The following RIMBP2 variants were observed in gnomAD, a reference collection of about 807,000 sequenced individuals.
RIMBP2 encodes RIMS-binding protein 2.
Under a neutral mutation model 118.6 loss-of-function variants are expected in RIMBP2, and 48 were observed. That is an observed-to-expected ratio of 0.40 (90% CI 0.32 to 0.51). The LOEUF (loss-of-function observed/expected upper bound fraction) is 0.51, where lower values mean the gene tolerates loss of function less well. Ranked by LOEUF, RIMBP2 falls within the 20% of genes least tolerant of loss-of-function variation. The pLI is 0.41. For synonymous variants in RIMBP2, 762 were observed against 742.9 expected, an observed-to-expected ratio of 1.03 and a Z score of -0.42; for missense variants, 1,551 against 1,768.3, an observed-to-expected ratio of 0.88 and a Z score of 2.20.
In RIMBP2 at chr12:130,422,501, C is replaced by G. The variant is rs375746026; in HGVS notation, c.3190G>C (p.Gly1064Arg). ...CGGGACCTCTGAGGACCAGCGCTGC[C>G]ACGGGGAAACCTCCGGCCCATGTGA... ...VDHMGRRFPR[G>R]SAGPQRSRPV... The change falls in exon 17 of 23, where the codon GGC becomes CGC. Residue 1064 changes from glycine to arginine, a missense_variant. Gly to Arg is a moderately radical substitution (Grantham distance 125, BLOSUM62 -2). This residue lies in a region of RIMBP2 where 1,038 missense variants were observed against 1,125.1 expected (regional missense o/e 0.92). Coordinates refer to ENST00000690449, the MANE Select transcript of RIMBP2 (RefSeq NM_001393629.1). The surrounding 1 kb of genome is among the most constrained non-coding windows in gnomAD (Gnocchi z 5.2). 5.0e-6 allele frequency: 8 copies of G among 1,613,222 alleles called. No individual in the cohort carries two copies. Among genetic ancestry groups the G allele is most frequent in the Admixed American group, 1.7e-5 (1 of 59,966 alleles).
At chr12:130,610,909 T>G (rs1333264937) in intron 2 of RIMBP2, among the ~76,000 whole-genome samples, 1 of 152,148 alleles carries the variant, frequency 6.6e-6, no homozygotes, top group African/African-American at 2.4e-5. Context: ...ACACCTGCAA[T>G]GTCTCAGAAA....
chr12:130,502,857 G>A (rs2049930521), intron 4 of RIMBP2, among the ~76,000 whole-genome samples: 1 of 152,142 alleles, frequency 6.6e-6, no homozygotes, highest in Non-Finnish European at 1.5e-5. Context: ...GCCCAGGGAT[G>A]CCACGTGTGT....
chr12:130,600,352 G>A (rs954135611), intron 2 of RIMBP2, among the ~76,000 whole-genome samples: 2 of 152,042 alleles, frequency 1.3e-5, no homozygotes, highest in Middle Eastern at 3.2e-3. Context: ...ACCCCTCCCC[G>A]ACCAGAGACC....
At chr12:130,597,031 C>T (rs1306908018) in intron 2 of RIMBP2, among the ~76,000 whole-genome samples, 6 of 152,106 alleles carry the variant, frequency 3.9e-5, no homozygotes, top group Non-Finnish European at 8.8e-5. Context: ...AAATTAATAC[C>T]AATTCTGCAC....
intron 2 of RIMBP2, among the ~76,000 whole-genome samples, chr12:130,524,830 G>A (rs1378499842): frequency 2.0e-5 from 3 of 152,178 alleles, no homozygotes; most frequent in Non-Finnish European, 4.4e-5. Flanking sequence ...AAGTGAAATA[G>A]CATGGCTTGG....
intron 1 of RIMBP2, among the ~76,000 whole-genome samples, chr12:130,685,849 A>G (rs1222906565): frequency 6.6e-6 from 1 of 152,190 alleles, no homozygotes; most frequent in Non-Finnish European, 1.5e-5. Context: ...GATGAGCTGA[A>G]CTGCGTGTCC....
At chr12:130,449,301 C>T (rs1303580192) in intron 9 of RIMBP2, among the ~76,000 whole-genome samples, 1 of 152,252 alleles carries the variant, frequency 6.6e-6, no homozygotes, top group East Asian at 1.9e-4. Context: ...GCTTTCCTTA[C>T]GATCAGGTAG....
intron 1 of RIMBP2, among the ~76,000 whole-genome samples, chr12:130,706,407 C>T (rs891901211): frequency 7.9e-5 from 12 of 152,310 alleles, no homozygotes; most frequent in African/African-American, 2.9e-4. Flanking sequence ...GTCACACAGC[C>T]GGAAGTAGCA....
intron 1 of RIMBP2, among the ~76,000 whole-genome samples, chr12:130,654,960 G>C (rs1426131187): frequency 6.6e-6 from 1 of 152,184 alleles, no homozygotes; most frequent in East Asian, 1.9e-4. Context: ...ATCACCCAGG[G>C]ATAGTGCCCA....
intron 11 of RIMBP2, among the ~76,000 whole-genome samples, chr12:130,441,447 A>ATT (rs1555251238): frequency 7.8e-5 from 11 of 141,048 alleles, no homozygotes; most frequent in African/African-American, 2.9e-4. Flanking sequence ...TAATAATAAT[A>ATT]ATTTACAAGG....
chr12:130,508,679 G>T (rs1198211194), intron 3 of RIMBP2, among the ~76,000 whole-genome samples: 1 of 152,134 alleles, frequency 6.6e-6, no homozygotes, highest in African/African-American at 2.4e-5. Flanking sequence ...CTCTGCGGCT[G>T]TTTGCCTTCT....
chr12:130,445,667 T>G (rs188890394), intron 9 of RIMBP2, among the ~76,000 whole-genome samples: 4 of 152,368 alleles, frequency 2.6e-5, no homozygotes, highest in Non-Finnish European at 4.4e-5. Flanking sequence ...ATATATACTA[T>G]TTAGCAACCT....
chr12:130,647,907 G>A (rs987924938), intron 1 of RIMBP2, among the ~76,000 whole-genome samples: 1 of 135,532 alleles, frequency 7.4e-6, no homozygotes, highest in Non-Finnish European at 1.7e-5. Context: ...TGCACTAAAT[G>A]CCTCTCTTTC....
chr12:130,428,238 T>C lies in RIMBP2; in HGVS notation c.2353A>G (p.Met785Val), dbSNP rs1270346961. Residue 785 changes from methionine to valine, a missense_variant, in exon 15 of 23, where the codon ATG (methionine) becomes GTG (valine). Physicochemically the swap from Met to Val is conservative, Grantham distance 21 (BLOSUM62 1). Coordinates refer to ENST00000690449, the MANE Select transcript of RIMBP2 (RefSeq NM_001393629.1). ...CTCCTTCCCCCATCTTCCAGCTGCA[T>C]TTCAGAATACAGCTCCTCCTCGTCC... ...EEDEEELYSE[M>V]QLEDGGRRRP... The C allele has an allele frequency of 5.0e-6, 8 of 1,613,392 alleles. No individual in the cohort carries two copies. Among genetic ancestry groups the C allele is most frequent in the Non-Finnish European group, 6.8e-6 (8 of 1,179,668 alleles).
At chr12:130,477,739 G>GC (rs1281154143) in intron 5 of RIMBP2, among the ~76,000 whole-genome samples, 2 of 152,168 alleles carry the variant, frequency 1.3e-5, no homozygotes, top group Non-Finnish European at 2.9e-5. Flanking sequence ...GATTCCTATC[G>GC]CCCCCCAGGC....
At chr12:130,647,696 C>T (rs2063051320) in intron 1 of RIMBP2, among the ~76,000 whole-genome samples, 1 of 145,664 alleles carries the variant, frequency 6.9e-6, no homozygotes, top group African/African-American at 2.5e-5. Flanking sequence ...AACTACAAAT[C>T]AGAAAATCTT....
At chr12:130,531,138 G>A (rs569754111) in intron 2 of RIMBP2, among the ~76,000 whole-genome samples, 1 of 152,290 alleles carries the variant, frequency 6.6e-6, no homozygotes, top group South Asian at 2.1e-4. Flanking sequence ...ATAGAAATCA[G>A]ACAAAATTCC....
At chr12:130,485,807 C>T (rs1369895767) in intron 4 of RIMBP2, among the ~76,000 whole-genome samples, 1 of 152,092 alleles carries the variant, frequency 6.6e-6, no homozygotes, top group Non-Finnish European at 1.5e-5. Flanking sequence ...GCTCTTGCTT[C>T]GGGGTGCCAG....
intron 2 of RIMBP2, among the ~76,000 whole-genome samples, chr12:130,587,914 C>A (rs535451559): frequency 6.6e-6 from 1 of 152,064 alleles, no homozygotes; most frequent in Non-Finnish European, 1.5e-5. Context: ...GGTGCTGCCC[C>A]CCACACACTG....
Sources: gnomAD v4.1 joint callset for allele counts (sites outside exome capture counted in the v4.1 genomes callset) on GRCh38, gnomAD v4.1.1 for gene constraint, gnomAD v4.1.1 regional missense constraint, Gnocchi (gnomAD v3.1) non-coding constraint, MANE v1.5 for transcripts, NCBI Gene and HGNC (gene_info 2026-07-23, HGNC 2026-07-21) for gene names.